Variants in CELF2 observed in about 807,000 individuals in gnomAD.
CELF2 encodes the protein CUGBP Elav-like family member 2.
CELF2 carries 8 observed loss-of-function variants against 62.6 expected under a neutral mutation model. The observed-to-expected ratio is 0.13, with a 90% CI of 0.07 to 0.23. The LOEUF (loss-of-function observed/expected upper bound fraction) is 0.23, where lower values mean the gene tolerates loss of function less well. Ranked by LOEUF, CELF2 falls within the 10% of genes least tolerant of loss-of-function variation. The probability of loss-of-function intolerance (pLI) is 1.00; values close to 1 mark genes in which losing one functional copy is unlikely to be tolerated. For synonymous variants in CELF2, 258 were observed against 250.0 expected (o/e 1.03, Z -0.30); for missense variants, 333 against 671.0 (o/e 0.50, Z 5.56).
intron 1 of CELF2, among the ~76,000 whole-genome samples, chr10:11,137,615 G>A (rs1189656918): frequency 6.6e-6 from 1 of 152,150 alleles, no homozygotes; most frequent in Non-Finnish European, 1.5e-5. Context: ...CCCAAAGTCT[G>A]GCATACATTA....
At chr10:10,971,925 A>T (rs2050796769) in intron 2 of CELF2, among the ~76,000 whole-genome samples, 1 of 152,012 alleles carries the variant, frequency 6.6e-6, no homozygotes, top group Non-Finnish European at 1.5e-5. Flanking sequence ...TTTTGTTTTT[A>T]TTGAGATATA....
the CELF2 span, among the ~76,000 whole-genome samples, chr10:10,749,026 G>T: frequency 6.6e-6 from 1 of 152,192 alleles, no homozygotes; most frequent in Non-Finnish European, 1.5e-5. Flanking sequence ...TCGGGAGAAG[G>T]GAGAGAGCCA....
At chr10:11,171,990 C>G (rs1167033591) in intron 2 of CELF2, among the ~76,000 whole-genome samples, 1 of 152,090 alleles carries the variant, frequency 6.6e-6, no homozygotes, top group Non-Finnish European at 1.5e-5. Flanking sequence ...AGAAGTGGAC[C>G]TGGGAGCCCG....
intron 2 of CELF2, among the ~76,000 whole-genome samples, chr10:10,971,560 TTTG>T (rs908106267): frequency 3.6e-4 from 55 of 152,072 alleles, no homozygotes; most frequent in East Asian, 2.1e-3. Context: ...CATGCATGGT[TTTG>T]TTGTTGTTGT....
the CELF2 span, among the ~76,000 whole-genome samples, chr10:10,762,030 GA>G: frequency 6.6e-6 from 1 of 150,724 alleles, no homozygotes; most frequent in Admixed American, 6.6e-5. Context: ...AGTATTTAAT[GA>G]TAACATGAAT....
At position 10,849,477 on chromosome 10, in the gene CELF2, C is replaced by G. The variant is rs138294262; in HGVS notation, c.53+50660C>G. ...ACTATACACTCTTTCCCCAGATTTC[C>G]TGTTTCTCAACATTTTGCCATATTT... On this transcript the variant is annotated intron_variant, in intron 1 of 13. Transcript: ENST00000636488. 2.8e-3 allele frequency among the ~76,000 whole-genome samples: 430 copies of G among 152,164 alleles called. 5 individuals are homozygous for G. The highest frequency in any genetic ancestry group is 0.024 in the East Asian group (126 of 5,164).
rs562306664 is a variant in CELF2, at chr10:10,800,863, T to A, written c.53+2046T>A. ...AATAAATGATGCTTTCCTTTTTTTTTAAACTGGATTACTAACCTGTCTCTA... is the reference window on the plus strand; with the variant it reads ...AATAAATGATGCTTTCCTTTTTTTTAAAACTGGATTACTAACCTGTCTCTA... On this transcript the variant is annotated intron_variant, in intron 1 of 13. Transcript: ENST00000636488. Among the ~76,000 whole-genome samples, 399 of 152,316 alleles carry A rather than the reference T, an allele frequency of 2.6e-3. 1 individual carries two copies. Among genetic ancestry groups the A allele is most frequent in the African/African-American group, 9.0e-3 (373 of 41,580 alleles).
chr10:11,032,265 C>G (rs2060253867), intron 1 of CELF2, among the ~76,000 whole-genome samples: 1 of 150,944 alleles, frequency 6.6e-6, no homozygotes, highest in Admixed American at 6.6e-5. Context: ...CAATTTTACT[C>G]TTGTAGACAC....
At chr10:10,564,238 C>G in the CELF2 span, among the ~76,000 whole-genome samples, 4 of 152,150 alleles carry the variant, frequency 2.6e-5, no homozygotes, top group African/African-American at 9.7e-5. Flanking sequence ...CATTCGATGA[C>G]AATGGTTTCC....
chr10:10,727,059 A>G, the CELF2 span, among the ~76,000 whole-genome samples: 1 of 152,184 alleles, frequency 6.6e-6, no homozygotes, highest in Non-Finnish European at 1.5e-5. Flanking sequence ...CTAGGACAGC[A>G]CTAAGGGGAT....
At chr10:11,326,431 G>A (rs1281318200) in intron 12 of CELF2, among the ~76,000 whole-genome samples, 1 of 152,260 alleles carries the variant, frequency 6.6e-6, no homozygotes, top group African/African-American at 2.4e-5. Context: ...GGGATGAGCA[G>A]TTGACAGATC....
rs1005273648 is a variant in CELF2 at position 11,145,928 on chromosome 10, C to T, written c.75-19558C>T. 9.2e-5 allele frequency among the ~76,000 whole-genome samples: 14 copies of T among 152,152 alleles called. No homozygotes were observed. The highest frequency in any genetic ancestry group is 8.5e-4 in the Admixed American group (13 of 15,278). ...TACTTTTTTCTTTTTCATTTTCTAA[C>T]TACTACTTAAAATCCAAGAACATTG... On this transcript the variant is annotated intron_variant, in intron 1 of 12. Coordinates refer to ENST00000633077, the MANE Select transcript of CELF2 (RefSeq NM_001326342.2). This position sits in a 1 kb window ranked among gnomAD's most constrained non-coding sequence, Gnocchi z 4.3.
intron 1 of CELF2, among the ~76,000 whole-genome samples, chr10:11,146,034 A>G (rs1344859409): frequency 6.6e-6 from 1 of 152,122 alleles, no homozygotes; most frequent in Non-Finnish European, 1.5e-5. Context: ...CAGCATGGAG[A>G]GGTGGGCCTC....
chr10:10,676,845 G>A, the CELF2 span, among the ~76,000 whole-genome samples: 1 of 152,124 alleles, frequency 6.6e-6, no homozygotes, highest in Non-Finnish European at 1.5e-5. Flanking sequence ...CTTCCACACT[G>A]GCTAAGTATG....
intron 1 of CELF2, among the ~76,000 whole-genome samples, chr10:10,841,995 G>A (rs542414375): frequency 6.6e-6 from 1 of 151,878 alleles, no homozygotes; most frequent in Admixed American, 6.6e-5. Flanking sequence ...TCTGTATGTG[G>A]GTCCTATAAA....
chr10:11,131,371 C>T (rs561607724), intron 1 of CELF2, among the ~76,000 whole-genome samples: 1 of 152,318 alleles, frequency 6.6e-6, no homozygotes, highest in East Asian at 1.9e-4. Flanking sequence ...CGTGATGTTT[C>T]TGTAGGACTT....
At chr10:10,655,957 T>C in the CELF2 span, among the ~76,000 whole-genome samples, 20 of 139,320 alleles carry the variant, frequency 1.4e-4, no homozygotes, top group Non-Finnish European at 2.2e-4. Flanking sequence ...GGGAGAAAAT[T>C]TTCGCAACCT....
At position 10,931,804 on chromosome 10, in the gene CELF2, T is replaced by C. The variant is rs888437169; in HGVS notation, c.89+11805T>C. Among the ~76,000 whole-genome samples the C allele has an allele frequency of 2.0e-5, 3 of 152,146 alleles. No individual in the cohort carries two copies. The highest frequency in any genetic ancestry group is 2.4e-5 in the African/African-American group (1 of 41,430). On this transcript the variant is annotated intron_variant, in intron 2 of 13. Transcript: ENST00000636488. The surrounding 1 kb of genome is among the most constrained non-coding windows in gnomAD (Gnocchi z 6.1). ...TAAAGACATACCCACAACTGAGTAA[T>C]TTATAAAGACATGAGGTTTAATGGA...
the CELF2 span, among the ~76,000 whole-genome samples, chr10:10,711,233 GCTATTGGC>G: frequency 2.0e-5 from 3 of 152,140 alleles, no homozygotes; most frequent in Non-Finnish European, 4.4e-5. Flanking sequence ...CATGTGACTT[GCTATTGGC>G]CATAAGAGCA....
Sources: gnomAD v4.1 joint callset for allele counts (sites outside exome capture counted in the v4.1 genomes callset) on GRCh38, gnomAD v4.1.1 for gene constraint, Gnocchi (gnomAD v3.1) non-coding constraint, MANE v1.5 for transcripts, NCBI Gene and HGNC (gene_info 2026-07-23, HGNC 2026-07-21) for gene names.